The following COL21A1 variants were observed in gnomAD, a reference collection of about 807,000 sequenced individuals.
COL21A1 encodes the protein collagen alpha-1(XXI) chain.
In COL21A1, 149 loss-of-function variants were observed where a neutral mutation model predicts 137.9. That is an observed-to-expected ratio of 1.08 (90% CI 0.95 to 1.24). The LOEUF is 1.24. Among genes scored for constraint, COL21A1 ranks in the 50% most tolerant of loss-of-function variants. The probability of loss-of-function intolerance (pLI) is 0.00; values close to 1 mark genes in which losing one functional copy is unlikely to be tolerated. For synonymous variants in COL21A1, 456 were observed against 391.5 expected (o/e 1.16, Z -1.95); for missense variants, 1,167 against 1,158.4 (o/e 1.01, Z -0.11).
chr6:56,241,218 G>A (rs1782299731), intron 1 of COL21A1, among the ~76,000 whole-genome samples: 2 of 152,132 alleles, frequency 1.3e-5, no homozygotes, highest in African/African-American at 2.4e-5. Context: ...CCTCAGGACT[G>A]GTAGGCCCTT....
At chr6:56,070,890 A>G (rs1406376454) in intron 20 of COL21A1, 92 bp from the exon 21 acceptor site, 41 of 972,476 alleles carry the variant, frequency 4.2e-5, no homozygotes, top group Non-Finnish European at 5.8e-5. Flanking sequence ...ATGTAAAATA[A>G]CTTTTACATT....
intron 3 of COL21A1, among the ~76,000 whole-genome samples, chr6:56,172,865 C>CA (rs1777173164): frequency 6.6e-6 from 1 of 151,862 alleles, no homozygotes; most frequent in Non-Finnish European, 1.5e-5. Flanking sequence ...CATGATGTTT[C>CA]ATGTAACCCC....
chr6:56,071,467 A>T (rs985289427), intron 20 of COL21A1, among the ~76,000 whole-genome samples: 2 of 151,600 alleles, frequency 1.3e-5, no homozygotes, highest in African/African-American at 4.8e-5. Context: ...ACCTGATATC[A>T]CAACCCAATG....
chr6:56,116,140 A>C (rs1382252763), intron 16 of COL21A1, among the ~76,000 whole-genome samples: 1 of 152,112 alleles, frequency 6.6e-6, no homozygotes, highest in African/African-American at 2.4e-5. Context: ...CCAAACCTAG[A>C]GAAAGATATC....
chr6:56,254,439 T>C (rs1434718583), intron 1 of COL21A1, among the ~76,000 whole-genome samples: 1 of 152,212 alleles, frequency 6.6e-6, no homozygotes, highest in Non-Finnish European at 1.5e-5. Context: ...TGGTTTCCCC[T>C]TGAATTATGG....
intron 1 of COL21A1, among the ~76,000 whole-genome samples, chr6:56,290,003 G>A (rs527585681): frequency 1.2e-4 from 18 of 152,104 alleles, no homozygotes; most frequent in Admixed American, 2.0e-4. Flanking sequence ...AATATGAGGC[G>A]GTTCCTAATC....
intron 1 of COL21A1, among the ~76,000 whole-genome samples, chr6:56,210,230 A>G (rs760611172): frequency 2.0e-5 from 3 of 152,114 alleles, no homozygotes; most frequent in Non-Finnish European, 4.4e-5. Flanking sequence ...CGTTCTGCAC[A>G]TGTACCCCCA....
chr6:56,190,563 AG>A (rs988076535), intron 1 of COL21A1, among the ~76,000 whole-genome samples: 1 of 152,200 alleles, frequency 6.6e-6, no homozygotes, highest in African/African-American at 2.4e-5. Flanking sequence ...CAATAGAAAA[AG>A]AGGGAATCCT....
Position 56,179,790 on chromosome 6 carries a change from G to T in COL21A1, c.428C>A (p.Thr143Lys), listed in dbSNP as rs372065490. ...RFLTKIAVVL[T>K]DGKSQDDVKD... The stretch of plus-strand genomic sequence containing the variant: ...GACGTCATCTTGGGATTTGCCATCC[G>T]TAAGTACCACTGCTATCTTAGTCAG... Residue 143 changes from threonine to lysine, a missense_variant, in exon 3 of 30, where the codon ACG becomes AAG. Coordinates refer to ENST00000244728, the MANE Select transcript of COL21A1 (RefSeq NM_030820.4). 6.2e-7 allele frequency: 1 copy of T among 1,613,734 alleles called. No homozygotes were observed. Among genetic ancestry groups the T allele is most frequent in the African/African-American group, 1.3e-5 (1 of 74,884 alleles).
chr6:56,217,683 C>CT (rs1405734084), intron 1 of COL21A1, among the ~76,000 whole-genome samples: 2 of 152,092 alleles, frequency 1.3e-5, no homozygotes, highest in African/African-American at 4.8e-5. Context: ...ACCACACTGT[C>CT]TCTCTTAAAA....
At chr6:56,340,819 A>G (rs987375430) in intron 1 of COL21A1, among the ~76,000 whole-genome samples, 1 of 152,212 alleles carries the variant, frequency 6.6e-6, no homozygotes, top group Non-Finnish European at 1.5e-5. Context: ...GTCTAAAATT[A>G]CCTGCATATT....
intron 24 of COL21A1, among the ~76,000 whole-genome samples, chr6:56,064,100 T>C (rs1336954013): frequency 6.6e-6 from 1 of 152,098 alleles, no homozygotes; most frequent in African/African-American, 2.4e-5. Context: ...TCTACAACAC[T>C]GTCTCTCAGG....
At chr6:56,132,897 C>T (rs1773675236) in intron 12 of COL21A1, among the ~76,000 whole-genome samples, 1 of 152,190 alleles carries the variant, frequency 6.6e-6, no homozygotes, top group African/African-American at 2.4e-5. Flanking sequence ...TGACTTGCTC[C>T]TCCTTGCCCT....
chr6:56,214,495 T>C (rs1780363493), intron 1 of COL21A1, among the ~76,000 whole-genome samples: 1 of 151,954 alleles, frequency 6.6e-6, no homozygotes, highest in Non-Finnish European at 1.5e-5. Flanking sequence ...GAATCTAGAG[T>C]ATGGTTATCC....
intron 1 of COL21A1, among the ~76,000 whole-genome samples, chr6:56,237,782 A>C (rs575659297): frequency 6.6e-5 from 10 of 152,244 alleles, no homozygotes; most frequent in African/African-American, 2.4e-4. Context: ...TATTCTACAG[A>C]GGCAACTGGA....
At chr6:56,301,712 T>TC (rs889496489) in intron 1 of COL21A1, among the ~76,000 whole-genome samples, 9 of 56,730 alleles carry the variant, frequency 1.6e-4, no homozygotes, top group African/African-American at 5.2e-4. Context: ...AACTTTTTTC[T>TC]TTTTTTTTCC....
chr6:56,097,784 A>C (rs188289280), intron 17 of COL21A1, among the ~76,000 whole-genome samples: 2 of 103,408 alleles, frequency 1.9e-5, no homozygotes, highest in Admixed American at 1.2e-4. Flanking sequence ...TAAATATATA[A>C]AAATATATAT....
At chr6:56,074,335 A>C (rs908214537) in intron 19 of COL21A1, 50 bp from the exon 20 acceptor site, 1 of 1,248,666 alleles carries the variant, frequency 8.0e-7, no homozygotes, top group Non-Finnish European at 1.1e-6. Context: ...AGATTATTAA[A>C]AAATATTAAA....
intron 1 of COL21A1, among the ~76,000 whole-genome samples, chr6:56,324,330 A>G (rs542556665): frequency 6.0e-4 from 92 of 152,184 alleles, no homozygotes; most frequent in African/African-American, 2.0e-3. Flanking sequence ...AAAACATACC[A>G]CAACTATCTA....
Sources: gnomAD v4.1 joint callset for allele counts (sites outside exome capture counted in the v4.1 genomes callset) on GRCh38, gnomAD v4.1.1 for gene constraint, MANE v1.5 for transcripts, NCBI Gene and HGNC (gene_info 2026-07-23, HGNC 2026-07-21) for gene names.